The following RBMS3 variants were observed in gnomAD, a reference collection of about 807,000 sequenced individuals.
RBMS3 encodes RNA-binding motif, single-stranded-interacting protein 3.
Under a neutral mutation model 66.8 loss-of-function variants are expected in RBMS3, and 27 were observed. The observed-to-expected ratio is 0.40, with a 90% confidence interval of 0.30 to 0.56. The LOEUF is 0.56. RBMS3 is among the 20% of genes least tolerant of loss of function. The probability of loss-of-function intolerance (pLI) is 0.40; values close to 1 mark genes in which losing one functional copy is unlikely to be tolerated. For missense variants in RBMS3, 513 were observed against 549.5 expected (o/e 0.93, Z 0.66); for synonymous variants, 188 against 183.0 (o/e 1.03, Z -0.22).
intron 1 of RBMS3, among the ~76,000 whole-genome samples, chr3:29,333,508 A>G (rs1352168061): frequency 6.6e-6 from 1 of 152,200 alleles, no homozygotes; most frequent in Non-Finnish European, 1.5e-5. Context: ...CTGAGGGAAA[A>G]GTAAAACAGA....
At chr3:29,347,020 G>A (rs561192205) in intron 1 of RBMS3, among the ~76,000 whole-genome samples, 1 of 152,228 alleles carries the variant, frequency 6.6e-6, no homozygotes, top group South Asian at 2.1e-4. Flanking sequence ...GCTCTGTGAA[G>A]CCTGGTGGTA....
chr3:29,893,978 C>G (rs2060063360), intron 8 of RBMS3, among the ~76,000 whole-genome samples: 1 of 151,612 alleles, frequency 6.6e-6, no homozygotes, highest in African/African-American at 2.4e-5. Context: ...TTCTAGGCAA[C>G]AATACTGATA....
At chr3:29,531,303 T>C (rs922639318) in intron 3 of RBMS3, among the ~76,000 whole-genome samples, 3 of 152,198 alleles carry the variant, frequency 2.0e-5, no homozygotes, top group Non-Finnish European at 4.4e-5. Flanking sequence ...CTCTAGATGA[T>C]TCTTATGTAC....
chr3:29,826,896 A>G (rs1360718239), intron 6 of RBMS3, among the ~76,000 whole-genome samples: 1 of 152,232 alleles, frequency 6.6e-6, no homozygotes, highest in Non-Finnish European at 1.5e-5. Flanking sequence ...ATTGTAAATG[A>G]TAAAATGATG....
At chr3:29,991,306 C>T in intron 14 of RBMS3, 97 bp downstream of exon 14, 1 of 1,554,412 alleles carries the variant, frequency 6.4e-7, no homozygotes, top group Non-Finnish European at 8.7e-7. Flanking sequence ...AAATATAAAC[C>T]ATCCCAAACT....
At chr3:29,291,039 G>A (rs1025645) in intron 1 of RBMS3, among the ~76,000 whole-genome samples, 134,001 of 151,944 alleles carry the variant, frequency 0.88, 59,241 homozygotes, top group Middle Eastern at 0.93. Context: ...ATATTCTTGC[G>A]AAGTGAAAAA....
Position 29,310,072 on chromosome 3 carries a change from G to A in RBMS3, c.75+28316G>A, listed in dbSNP as rs568467868. On this transcript the variant is annotated intron_variant, in intron 1 of 14. Transcript: ENST00000383767. ...GATGTGAGAACGTGAGTAAAAAAATGCCATTAAAGGTAAATCCTGGGTCGA... is the reference window on the plus strand; with the variant it reads ...GATGTGAGAACGTGAGTAAAAAAATACCATTAAAGGTAAATCCTGGGTCGA... Among the ~76,000 whole-genome samples the A allele has an allele frequency of 2.6e-5, 4 of 151,750 alleles. No homozygotes were observed. In the South Asian group the frequency reaches 8.3e-4, roughly 31 times the overall value.
At chr3:29,671,009 C>T (rs1385333094) in intron 4 of RBMS3, among the ~76,000 whole-genome samples, 3 of 152,122 alleles carry the variant, frequency 2.0e-5, no homozygotes, top group East Asian at 1.9e-4. Context: ...CAATAGGGGC[C>T]GACTGACACC....
intron 4 of RBMS3, among the ~76,000 whole-genome samples, chr3:29,720,437 A>G (rs1297139484): frequency 1.3e-5 from 2 of 152,148 alleles, no homozygotes; most frequent in African/African-American, 2.4e-5. Flanking sequence ...ACCCTATGGT[A>G]GTAGTAGTAT....
rs1365437182 is a variant in RBMS3 at position 29,408,667 on chromosome 3, A to T, written c.76-26076A>T. On this transcript the variant is annotated intron_variant, in intron 1 of 14. Coordinates refer to ENST00000383767, the MANE Select transcript of RBMS3 (RefSeq NM_001003793.3). ...TATATATATTTTCTTTCTAAATCATAAAATGAGTTTACAGCAGCAGACCCC... is the reference window on the plus strand; with the variant it reads ...TATATATATTTTCTTTCTAAATCATTAAATGAGTTTACAGCAGCAGACCCC... Among the ~76,000 whole-genome samples, 10 of 152,304 alleles carry T rather than the reference A, an allele frequency of 6.6e-5. No homozygotes were observed. The East Asian group carries it at 1.9e-3, about 29-fold the overall frequency.
At chr3:29,784,437 C>T (rs537988930) in intron 6 of RBMS3, among the ~76,000 whole-genome samples, 35 of 152,026 alleles carry the variant, frequency 2.3e-4, no homozygotes, top group Non-Finnish European at 3.7e-4. Context: ...TGAATGATCA[C>T]GGGGTCAACA....
At chr3:29,294,989 A>T (rs2033124397) in intron 1 of RBMS3, among the ~76,000 whole-genome samples, 1 of 151,668 alleles carries the variant, frequency 6.6e-6, no homozygotes, top group Non-Finnish European at 1.5e-5. Context: ...AAGAAAACAA[A>T]ACACAATTTC....
At chr3:29,834,406 T>C (rs938736318) in intron 6 of RBMS3, among the ~76,000 whole-genome samples, 2 of 151,984 alleles carry the variant, frequency 1.3e-5, no homozygotes, top group Admixed American at 6.6e-5. Flanking sequence ...TGTTAATAGA[T>C]GAACAATATA....
intron 3 of RBMS3, among the ~76,000 whole-genome samples, chr3:29,544,604 C>T (rs1301577885): frequency 6.6e-6 from 1 of 151,922 alleles, no homozygotes; most frequent in Non-Finnish European, 1.5e-5. Context: ...GCTAAGTCTT[C>T]ATGACTTTAT....
At chr3:29,908,192 A>G (rs2060429800) in intron 10 of RBMS3, among the ~76,000 whole-genome samples, 1 of 152,006 alleles carries the variant, frequency 6.6e-6, no homozygotes, top group South Asian at 2.1e-4. Flanking sequence ...TCAAGGCTAC[A>G]GTAAGCCAAG....
At chr3:29,323,719 CACACACA>C (rs747385229) in intron 1 of RBMS3, among the ~76,000 whole-genome samples, 3 of 150,688 alleles carry the variant, frequency 2.0e-5, no homozygotes, top group Non-Finnish European at 3.0e-5. Context: ...CACACACACA[CACACACA>C]CCCCTTGGAC....
intron 1 of RBMS3, among the ~76,000 whole-genome samples, chr3:29,295,982 C>A (rs1448813009): frequency 6.6e-6 from 1 of 151,742 alleles, no homozygotes; most frequent in East Asian, 1.9e-4. Context: ...TCCTGCCCCT[C>A]TGTGTTTTGA....
At chr3:29,987,654 A>G (rs946052693) in intron 12 of RBMS3, among the ~76,000 whole-genome samples, 1 of 152,218 alleles carries the variant, frequency 6.6e-6, no homozygotes, top group African/African-American at 2.4e-5. Flanking sequence ...AATAATGCCA[A>G]TGTATCACAT....
intron 3 of RBMS3, among the ~76,000 whole-genome samples, chr3:29,495,417 CTT>C (rs775377508): frequency 1.4e-4 from 16 of 111,880 alleles, no homozygotes; most frequent in African/African-American, 4.9e-4. Context: ...ATATTTCTTT[CTT>C]TTTTTTTTTT....
Sources: gnomAD v4.1 joint callset for allele counts (sites outside exome capture counted in the v4.1 genomes callset) on GRCh38, gnomAD v4.1.1 for gene constraint, MANE v1.5 for transcripts, NCBI Gene and HGNC (gene_info 2026-07-23, HGNC 2026-07-21) for gene names.